CXCL17: variants seen among roughly 807,000 people sequenced by gnomAD.
CXCL17 encodes C-X-C motif chemokine 17.
CXCL17 carries 9 observed loss-of-function variants against 15.5 expected under a neutral mutation model. The observed-to-expected ratio is 0.58, with a 90% CI of 0.35 to 1.01. The LOEUF is 1.01. Among genes scored for constraint, CXCL17 ranks in the 50% least tolerant of loss-of-function variants. CXCL17 has a pLI of 0.02. For synonymous variants in CXCL17, 52 were observed against 52.3 expected (o/e 0.99, Z 0.02); for missense variants, 133 against 138.2 (o/e 0.96, Z 0.19).
chr19:42,442,723 C>A (rs377481130), intron 1 of CXCL17, 31 bp downstream of exon 1: 4 of 1,537,412 alleles, frequency 2.6e-6, no homozygotes, highest in African/African-American at 2.7e-5. Flanking sequence ...TTTCTCCCCC[C>A]GTTTTCCCCT....
chr19:42,437,345 G>T (rs1360216601), intron 1 of CXCL17, among the ~76,000 whole-genome samples: 1 of 152,072 alleles, frequency 6.6e-6, no homozygotes, highest in Non-Finnish European at 1.5e-5. Context: ...TTCCTAACAT[G>T]CATTGGAATA....
chr19:42,441,079 G>T (rs2040887390), intron 1 of CXCL17, among the ~76,000 whole-genome samples: 1 of 152,210 alleles, frequency 6.6e-6, no homozygotes, highest in South Asian at 2.1e-4. Context: ...ACCTGAGGAT[G>T]CATTCTTGCA....
Position 42,428,902 on chromosome 19 carries a change from G to A in CXCL17, c.342C>T (p.Ser114=), listed in dbSNP as rs150975680. ...AGAGCTCCTACAAAGGCAGAGCAAAGCTTCTTAGCTGACATTGTTTGAGAA... is the reference window on the plus strand; with the variant it reads ...AGAGCTCCTACAAAGGCAGAGCAAAACTTCTTAGCTGACATTGTTTGAGAA... ...QQFLKQCQLR[S]FALPL Residue 114 remains serine, a synonymous_variant, in exon 4 of 4, where the codon AGC becomes AGT. Coordinates refer to ENST00000601181, the MANE Select transcript of CXCL17 (RefSeq NM_198477.3). 27 of 1,613,866 alleles carry A rather than the reference G, an allele frequency of 1.7e-5. No homozygotes were observed. Among genetic ancestry groups the A allele is most frequent in the African/African-American group, 4.0e-5 (3 of 74,934 alleles).
At chr19:42,437,548 G>A (rs1465402842) in intron 1 of CXCL17, among the ~76,000 whole-genome samples, 1 of 152,176 alleles carries the variant, frequency 6.6e-6, no homozygotes, top group Non-Finnish European at 1.5e-5. Context: ...CCTGATTTGT[G>A]AAAGGAGGGT....
chr19:42,431,361 C>T (rs140083318), intron 3 of CXCL17, among the ~76,000 whole-genome samples: 14 of 152,278 alleles, frequency 9.2e-5, no homozygotes, highest in Non-Finnish European at 1.2e-4. Flanking sequence ...TTACAGATAT[C>T]GTCTCCTATT....
chr19:42,438,190 C>T (rs111515801), intron 1 of CXCL17, among the ~76,000 whole-genome samples: 2,500 of 150,546 alleles, frequency 0.017, 68 homozygotes, highest in African/African-American at 0.056. Context: ...AACCCCATCT[C>T]TACTAAAAAT....
At chr19:42,438,993 C>T (rs923847704) in intron 1 of CXCL17, among the ~76,000 whole-genome samples, 1 of 152,178 alleles carries the variant, frequency 6.6e-6, no homozygotes, top group Non-Finnish European at 1.5e-5. Flanking sequence ...GTGGCTCACG[C>T]CTGTAATCCC....
chr19:42,442,013 A>C (rs1186440388), intron 1 of CXCL17, among the ~76,000 whole-genome samples: 2 of 152,134 alleles, frequency 1.3e-5, no homozygotes, highest in African/African-American at 4.8e-5. Flanking sequence ...GAATAGAAGC[A>C]AGGACTTCCT....
chr19:42,441,007 G>C (rs771155589), intron 1 of CXCL17, among the ~76,000 whole-genome samples: 17 of 152,192 alleles, frequency 1.1e-4, no homozygotes, highest in Non-Finnish European at 2.5e-4. Context: ...AGCCCCCACC[G>C]CAAGGAACTG....
chr19:42,438,410 T>TACACACACAC (rs145217809), intron 1 of CXCL17, among the ~76,000 whole-genome samples: 4 of 90,026 alleles, frequency 4.4e-5, no homozygotes, highest in African/African-American at 1.8e-4. Flanking sequence ...ATATATAAAA[T>TACACACACAC]ACACACACAC....
intron 1 of CXCL17, among the ~76,000 whole-genome samples, chr19:42,438,381 AATATATAT>A (rs1201763586): frequency 3.3e-4 from 21 of 63,846 alleles, no homozygotes; most frequent in African/African-American, 1.2e-3. Context: ...AAAAAAAAAA[AATATATAT>A]ATATATATAT....
At chr19:42,438,381 A>AATATATATATAT (rs1201763586) in intron 1 of CXCL17, among the ~76,000 whole-genome samples, 54 of 63,840 alleles carry the variant, frequency 8.5e-4, no homozygotes, top group East Asian at 1.6e-3. Context: ...AAAAAAAAAA[A>AATATATATATAT]ATATATATAT....
chr19:42,430,327 G>A (rs1438684325), intron 3 of CXCL17, among the ~76,000 whole-genome samples: 1 of 152,108 alleles, frequency 6.6e-6, no homozygotes, highest in African/African-American at 2.4e-5. Flanking sequence ...CGGGCACGGT[G>A]GCTCATGCCT....
chr19:42,431,265 G>T (rs1313653549), intron 3 of CXCL17, among the ~76,000 whole-genome samples: 1 of 152,162 alleles, frequency 6.6e-6, no homozygotes, highest in Non-Finnish European at 1.5e-5. Flanking sequence ...CCGTTTGTCT[G>T]TTGTATTTCC....
intron 1 of CXCL17, among the ~76,000 whole-genome samples, chr19:42,434,329 C>T (rs1038415869): frequency 6.6e-6 from 1 of 152,156 alleles, no homozygotes. Context: ...CTCCTCATAC[C>T]TCACATTAAA....
intron 1 of CXCL17, among the ~76,000 whole-genome samples, chr19:42,437,966 C>CTA (rs2040848795): frequency 6.6e-6 from 1 of 151,820 alleles, no homozygotes; most frequent in South Asian, 2.1e-4. Context: ...GTACCAAACC[C>CTA]TATATATATA....
At chr19:42,434,451 C>T (rs904836053) in intron 1 of CXCL17, among the ~76,000 whole-genome samples, 6 of 152,090 alleles carry the variant, frequency 3.9e-5, no homozygotes, top group African/African-American at 1.2e-4. Context: ...TTTTTTGAGA[C>T]AGAGTCTCAC....
At chr19:42,441,638 T>G (rs973166887) in intron 1 of CXCL17, among the ~76,000 whole-genome samples, 10 of 151,968 alleles carry the variant, frequency 6.6e-5, no homozygotes, top group African/African-American at 2.4e-4. Context: ...TGTTGGAAAT[T>G]GGGGTGGAGA....
intron 1 of CXCL17, among the ~76,000 whole-genome samples, chr19:42,436,413 G>A (rs982871443): frequency 1.3e-5 from 2 of 151,588 alleles, no homozygotes; most frequent in Non-Finnish European, 2.9e-5. Flanking sequence ...TAGTTCCAGA[G>A]AAAAACCACA....
Sources: allele counts gnomAD v4.1 joint callset (sites outside exome capture counted in the v4.1 genomes callset), GRCh38; gene constraint gnomAD v4.1.1; transcripts MANE v1.5; gene names NCBI Gene and HGNC (gene_info 2026-07-23, HGNC 2026-07-21).